The following PCTP variants were observed in gnomAD, a reference collection of about 807,000 sequenced individuals.
PCTP encodes START domain-containing protein 2.
A neutral mutation model predicts 31.0 loss-of-function variants in PCTP; 27 were observed. That is an observed-to-expected ratio of 0.87 (90% confidence interval 0.64 to 1.20). PCTP has a LOEUF of 1.20. Ranked by LOEUF, PCTP falls within the 50% of genes most tolerant of loss-of-function variation. PCTP has a pLI of 0.00. For synonymous variants in PCTP, 108 were observed against 101.2 expected, an observed-to-expected ratio of 1.07 and a Z score of -0.40; for missense variants, 287 against 268.2, an observed-to-expected ratio of 1.07 and a Z score of -0.49.
chr17:55,772,266 G>A (rs547959359), intron 3 of PCTP, among the ~76,000 whole-genome samples: 28 of 150,756 alleles, frequency 1.9e-4, no homozygotes, highest in Non-Finnish European at 3.7e-4. Context: ...CCAATGTGAG[G>A]GTGGGGCAAC....
intron 3 of PCTP, among the ~76,000 whole-genome samples, chr17:55,805,415 G>A (rs1301861837): frequency 6.6e-6 from 1 of 151,886 alleles, no homozygotes; most frequent in Non-Finnish European, 1.5e-5. Context: ...TTATGTCCAT[G>A]TGTACCCATT....
At chr17:55,751,599 T>C (rs747384721) in intron 1 of PCTP, 17 of 758,184 alleles carry the variant, frequency 2.2e-5, no homozygotes, top group Non-Finnish European at 3.1e-5. Context: ...TGCGTGTCAG[T>C]GGCATATGGG....
intron 5 of PCTP, among the ~76,000 whole-genome samples, chr17:55,841,790 C>A (rs1905990482): frequency 6.6e-6 from 1 of 152,152 alleles, no homozygotes; most frequent in Non-Finnish European, 1.5e-5. Flanking sequence ...ATACAGAAAT[C>A]ATTGTTTCTA....
At chr17:55,801,915 G>C (rs9908968) in intron 3 of PCTP, among the ~76,000 whole-genome samples, 17 of 151,906 alleles carry the variant, frequency 1.1e-4, no homozygotes, top group African/African-American at 4.1e-4. Context: ...AAAAAAATCA[G>C]TGAATCCAGG....
intron 2 of PCTP, chr17:55,769,640 C>T (rs1396135502): frequency 6.6e-6 from 1 of 152,234 alleles, no homozygotes; most frequent in Non-Finnish European, 1.5e-5. Flanking sequence ...CTGGAACAAT[C>T]TTGAGGTTGG....
intron 3 of PCTP, among the ~76,000 whole-genome samples, chr17:55,796,295 G>A (rs983867425): frequency 1.3e-5 from 2 of 151,930 alleles, no homozygotes; most frequent in African/African-American, 4.8e-5. Context: ...TTTTAAACAT[G>A]GACATTACAT....
At chr17:55,755,620 T>C (rs1178085643) in intron 1 of PCTP, among the ~76,000 whole-genome samples, 1 of 152,216 alleles carries the variant, frequency 6.6e-6, no homozygotes, top group Non-Finnish European at 1.5e-5. Context: ...TCTATTTTTC[T>C]CTTAAATCAC....
At chr17:55,822,911 C>T (rs1197515630) in exon 4 of PCTP, 13 of 866,690 alleles carry the variant, frequency 1.5e-5, no homozygotes, top group Non-Finnish European at 1.5e-6. Context: ...TTTGTTGAAA[C>T]ACTGAAATGG....
chr17:55,827,859 T>C (rs1014442906), downstream of PCTP, among the ~76,000 whole-genome samples: 4 of 152,130 alleles, frequency 2.6e-5, no homozygotes, highest in African/African-American at 7.2e-5. Context: ...CCTGCAGGAA[T>C]TGGGGCTTAG....
chr17:55,757,552 CAT>C (rs1300765126), intron 1 of PCTP, among the ~76,000 whole-genome samples: 2 of 54,226 alleles, frequency 3.7e-5, no homozygotes, highest in Non-Finnish European at 1.7e-4. Context: ...AATATATACA[CAT>C]GTATATGTGT....
intron 3 of PCTP, among the ~76,000 whole-genome samples, chr17:55,819,464 C>T (rs545571901): frequency 1.3e-4 from 20 of 152,172 alleles, no homozygotes; most frequent in Admixed American, 7.2e-4. Flanking sequence ...TACTACAGGC[C>T]GGGTGCAGAG....
intron 1 of PCTP, among the ~76,000 whole-genome samples, chr17:55,765,134 C>T (rs1386333531): frequency 6.6e-6 from 1 of 152,188 alleles, no homozygotes; most frequent in Admixed American, 6.5e-5. Context: ...TTTTGTTTTT[C>T]ATTTTCAGTC....
At chr17:55,829,182 T>C (rs1905510140) in intron 5 of PCTP, among the ~76,000 whole-genome samples, 1 of 146,426 alleles carries the variant, frequency 6.8e-6, no homozygotes, top group South Asian at 2.2e-4. Flanking sequence ...GATCAAGAGG[T>C]GCAGAAAGGA....
intron 5 of PCTP, 22 bp downstream of exon 5, chr17:55,774,881 CGGGGGGAGGGAT>C: frequency 7.3e-6 from 9 of 1,237,248 alleles, no homozygotes; most frequent in South Asian, 2.3e-5. Context: ...GGAGGTGGGG[CGGGGGGAGGGAT>C]GGGGGAGTGT....
At chr17:55,836,024 C>T (rs1376199530) in intron 5 of PCTP, among the ~76,000 whole-genome samples, 1 of 152,166 alleles carries the variant, frequency 6.6e-6, no homozygotes, top group African/African-American at 2.4e-5. Context: ...GTGTCTAGTG[C>T]ATCTTCAACC....
downstream of PCTP, among the ~76,000 whole-genome samples, chr17:55,780,154 T>G (rs959848059): frequency 6.6e-6 from 1 of 151,582 alleles, no homozygotes; most frequent in Non-Finnish European, 1.5e-5. Context: ...GGTTGCAGAG[T>G]TTAGAACCAA....
intron 2 of PCTP, among the ~76,000 whole-genome samples, chr17:55,784,144 G>A (rs1005799053): frequency 6.6e-6 from 1 of 152,174 alleles, no homozygotes; most frequent in Non-Finnish European, 1.5e-5. Flanking sequence ...GGTGGCCTGG[G>A]GGAGAATTTC....
chr17:55,751,448 A>G (rs1909707764), intron 1 of PCTP: 1 of 1,533,180 alleles, frequency 6.5e-7, no homozygotes, highest in African/African-American at 1.4e-5. Context: ...GATCCAGGGG[A>G]GTTGGAAGGT....
At chr17:55,796,734 A>T (rs1330646603) in intron 3 of PCTP, among the ~76,000 whole-genome samples, 1 of 152,032 alleles carries the variant, frequency 6.6e-6, no homozygotes, top group Admixed American at 6.6e-5. Flanking sequence ...AGAATAGAGG[A>T]TGACTTTCTG....
Sources: allele counts gnomAD v4.1 joint callset (sites outside exome capture counted in the v4.1 genomes callset), GRCh38; gene constraint gnomAD v4.1.1; transcripts MANE v1.5; gene names NCBI Gene and HGNC (gene_info 2026-07-23, HGNC 2026-07-21).